The following SLC9C1 variants were observed in gnomAD, a reference collection of about 807,000 sequenced individuals.
SLC9C1 encodes solute carrier family 9 member C1.
In SLC9C1, 97 loss-of-function variants were observed where a neutral mutation model predicts 140.9. That is an observed-to-expected ratio of 0.69 (90% CI 0.58 to 0.82). The LOEUF is 0.82. Among genes scored for constraint, SLC9C1 ranks in the 40% least tolerant of loss-of-function variants. The probability of loss-of-function intolerance (pLI) is 0.00; values close to 1 mark genes in which losing one functional copy is unlikely to be tolerated. For missense variants in SLC9C1, 1,340 were observed against 1,389.3 expected, an observed-to-expected ratio of 0.96 and a Z score of 0.56; for synonymous variants, 440 against 442.6, an observed-to-expected ratio of 0.99 and a Z score of 0.07.
At chr3:112,290,465 T>C (rs1172420405) in intron 1 of SLC9C1, among the ~76,000 whole-genome samples, 3 of 152,218 alleles carry the variant, frequency 2.0e-5, no homozygotes, top group African/African-American at 7.2e-5. Flanking sequence ...ACAAGTGTTC[T>C]TTGTTTGACC....
chr3:112,276,926 A>G (rs1007690661), intron 5 of SLC9C1, among the ~76,000 whole-genome samples: 6 of 152,106 alleles, frequency 3.9e-5, no homozygotes, highest in African/African-American at 1.4e-4. Flanking sequence ...CCCCTACTCT[A>G]TATTTCTACC....
intron 15 of SLC9C1, among the ~76,000 whole-genome samples, chr3:112,211,337 C>CTGGGGCTTGT (rs1447839730): frequency 3.3e-5 from 5 of 152,302 alleles, no homozygotes; most frequent in Non-Finnish European, 5.9e-5. Flanking sequence ...GTTCATCTCA[C>CTGGGGCTTGT]TGGGGCTTGT....
At chr3:112,212,374 G>A (rs1485757340) in intron 15 of SLC9C1, among the ~76,000 whole-genome samples, 2 of 152,338 alleles carry the variant, frequency 1.3e-5, no homozygotes, top group Middle Eastern at 3.4e-3. Context: ...TTGATGAGTT[G>A]AGAGAAGAAG....
chr3:112,238,510 T>C (rs1397038784), intron 12 of SLC9C1, among the ~76,000 whole-genome samples: 6 of 152,242 alleles, frequency 3.9e-5, no homozygotes, highest in Non-Finnish European at 8.8e-5. Context: ...GGAGCTGCGT[T>C]CCTTTGGAGG....
chr3:112,145,969 G>T (rs1475989696), intron 28 of SLC9C1, among the ~76,000 whole-genome samples: 1 of 152,098 alleles, frequency 6.6e-6, no homozygotes, highest in Non-Finnish European at 1.5e-5. Context: ...CGATTGTGAG[G>T]CCTCCGCAGC....
chr3:112,217,510 A>G lies in SLC9C1; in HGVS notation c.1722T>C (p.Val574=). 1 of 1,610,442 alleles carries G rather than the reference A, an allele frequency of 6.2e-7. No homozygotes were observed. Among genetic ancestry groups the G allele is most frequent in the Non-Finnish European group, 8.5e-7 (1 of 1,178,788 alleles). ...TAAGTAGTAGTTTTCTAGCAAAGGT[A>G]ACTGTTTTTTGGCTTTCAGAATAAT... ...IKNYSESQKT[V]TFARKLLLNW... Residue 574 remains valine, a synonymous_variant, in exon 15 of 29, where the codon GTT becomes GTC. Transcript: ENST00000305815.
chr3:112,204,092 A>C, intron 17 of SLC9C1, 126 bp downstream of exon 17: 5 of 1,090,136 alleles, frequency 4.6e-6, no homozygotes, highest in Non-Finnish European at 5.9e-6. Context: ...AAGGAAGCTA[A>C]AATTTAAAAT....
intron 15 of SLC9C1, among the ~76,000 whole-genome samples, chr3:112,212,583 A>T (rs1054957862): frequency 6.6e-6 from 1 of 152,240 alleles, no homozygotes; most frequent in South Asian, 2.1e-4. Context: ...AGCCAATTAG[A>T]TCAACTGGAA....
intron 2 of SLC9C1, 36 bp from the exon 3 acceptor site, chr3:112,280,819 A>G: frequency 1.3e-6 from 2 of 1,563,030 alleles, no homozygotes; most frequent in Middle Eastern, 3.4e-4. Flanking sequence ...AGGCAATGAG[A>G]TATCTCATTT....
chr3:112,187,255 A>G (rs2077557929), intron 20 of SLC9C1, among the ~76,000 whole-genome samples: 1 of 152,138 alleles, frequency 6.6e-6, no homozygotes, highest in Admixed American at 6.5e-5. Flanking sequence ...GTGAGAATCA[A>G]GTGAGTAAAG....
At chr3:112,193,873 T>G (rs1434619157) in intron 20 of SLC9C1, among the ~76,000 whole-genome samples, 12 of 152,014 alleles carry the variant, frequency 7.9e-5, no homozygotes, top group Admixed American at 7.9e-4. Context: ...GGGGTTGGTT[T>G]TCCTGCTATG....
At chr3:112,172,614 T>C (rs1014098068) in intron 23 of SLC9C1, among the ~76,000 whole-genome samples, 7 of 151,738 alleles carry the variant, frequency 4.6e-5, no homozygotes, top group Non-Finnish European at 1.0e-4. Flanking sequence ...GTGGACATTC[T>C]TGTCTTGCTC....
chr3:112,160,719 G>A (rs1248200777), intron 26 of SLC9C1, among the ~76,000 whole-genome samples: 30 of 150,578 alleles, frequency 2.0e-4, no homozygotes, highest in Admixed American at 1.2e-3. Flanking sequence ...GAATAATGCC[G>A]CAATAAACAT....
At chr3:112,199,222 C>G (rs2077839875) in intron 20 of SLC9C1, 99 bp downstream of exon 20, 1 of 956,416 alleles carries the variant, frequency 1.0e-6, no homozygotes, top group Non-Finnish European at 1.4e-6. Flanking sequence ...ATTTTCCTAT[C>G]TTAGAAATGG....
rs1391613704 is a variant in SLC9C1, at chr3:112,286,823, T to C, written c.-32A>G. The C allele has an allele frequency of 3.4e-6, 5 of 1,492,228 alleles. No homozygotes were observed. The highest frequency in any genetic ancestry group is 4.7e-6 in the Non-Finnish European group (5 of 1,074,780). 92.4% of individuals were successfully genotyped at this position (1,492,228 alleles called of 1,614,324 possible). Reference sequence around the variant, plus strand: ...GAAAAATTTTTATGCAGATTTATGTTAGAAGCAATCTCCATATGATCATCC... The same window carrying C: ...GAAAAATTTTTATGCAGATTTATGTCAGAAGCAATCTCCATATGATCATCC... On this transcript the variant is annotated 5_prime_UTR_variant, in exon 2 of 29. Coordinates refer to ENST00000305815, the MANE Select transcript of SLC9C1 (RefSeq NM_183061.3).
chr3:112,147,072 T>C (rs2074819719), intron 28 of SLC9C1, among the ~76,000 whole-genome samples: 1 of 152,184 alleles, frequency 6.6e-6, no homozygotes, highest in Non-Finnish European at 1.5e-5. Flanking sequence ...TCTTTTTTAC[T>C]GTTTCCTATT....
intron 1 of SLC9C1, among the ~76,000 whole-genome samples, chr3:112,288,096 T>A (rs2080571046): frequency 1.4e-5 from 2 of 146,766 alleles, no homozygotes; most frequent in Non-Finnish European, 1.5e-5. Context: ...ATTCCTCTCA[T>A]AACCTGGCAA....
At chr3:112,174,099 G>T (rs7649127) in intron 23 of SLC9C1, among the ~76,000 whole-genome samples, 2,352 of 152,170 alleles carry the variant, frequency 0.015, 60 homozygotes, top group African/African-American at 0.05. Context: ...GAAAATTGTC[G>T]GTTCATATGG....
chr3:112,150,936 C>A (rs941230422), intron 28 of SLC9C1, among the ~76,000 whole-genome samples: 53 of 150,088 alleles, frequency 3.5e-4, no homozygotes, highest in African/African-American at 1.3e-3. Flanking sequence ...CGCCCAGGTT[C>A]AAGCGATTCT....
Sources: gnomAD v4.1 joint callset for allele counts (sites outside exome capture counted in the v4.1 genomes callset) on GRCh38, gnomAD v4.1.1 for gene constraint, MANE v1.5 for transcripts, NCBI Gene and HGNC (gene_info 2026-07-23, HGNC 2026-07-21) for gene names.